The following AGBL4 variants were observed in gnomAD, a reference collection of about 807,000 sequenced individuals.
The protein encoded by AGBL4 is cytosolic carboxypeptidase 6.
AGBL4 carries 58 observed loss-of-function variants against 66.4 expected under a neutral mutation model. That is an observed-to-expected ratio of 0.87 (90% CI 0.71 to 1.09). The LOEUF (loss-of-function observed/expected upper bound fraction) is 1.09, where lower values mean the gene tolerates loss of function less well. Among genes scored for constraint, AGBL4 ranks in the 50% least tolerant of loss-of-function variants. The pLI, the probability that AGBL4 is intolerant of heterozygous loss-of-function variation, is 0.00. For synonymous variants in AGBL4, 234 were observed against 222.9 expected (o/e 1.05, Z -0.44); for missense variants, 579 against 631.0 (o/e 0.92, Z 0.88).
chr1:48,673,974 C>G (rs1646319534), intron 6 of AGBL4, among the ~76,000 whole-genome samples: 1 of 152,202 alleles, frequency 6.6e-6, no homozygotes, highest in African/African-American at 2.4e-5. Context: ...GCGGATGGAT[C>G]TCACTCCCGT....
At chr1:49,881,457 G>A (rs1399834348) in intron 1 of AGBL4, among the ~76,000 whole-genome samples, 2 of 151,698 alleles carry the variant, frequency 1.3e-5, no homozygotes, top group Non-Finnish European at 2.9e-5. Context: ...CTGAGGAATC[G>A]CCACACTGAC....
chr1:49,997,222 T>C (rs987003223), intron 1 of AGBL4, among the ~76,000 whole-genome samples: 4 of 152,160 alleles, frequency 2.6e-5, no homozygotes, highest in African/African-American at 9.7e-5. Context: ...TAACATTGAA[T>C]ATAAATGGCC....
intron 5 of AGBL4, among the ~76,000 whole-genome samples, chr1:49,023,503 C>A (rs1281599686): frequency 6.6e-6 from 1 of 152,020 alleles, no homozygotes; most frequent in Non-Finnish European, 1.5e-5. Flanking sequence ...CTCCTATCTC[C>A]AAAATACTAT....
intron 5 of AGBL4, among the ~76,000 whole-genome samples, chr1:48,946,082 AT>A (rs1216181107): frequency 6.6e-6 from 1 of 152,130 alleles, no homozygotes; most frequent in African/African-American, 2.4e-5. Context: ...CCCTATTGAA[AT>A]TGAGCCTTCC....
At chr1:48,932,273 A>G (rs1655098396) in intron 5 of AGBL4, among the ~76,000 whole-genome samples, 1 of 152,200 alleles carries the variant, frequency 6.6e-6, no homozygotes, top group Non-Finnish European at 1.5e-5. Flanking sequence ...CACAGGTTGA[A>G]GAAGGAAAAC....
intron 10 of AGBL4, among the ~76,000 whole-genome samples, chr1:48,588,044 C>T (rs949985179): frequency 1.5e-4 from 23 of 152,266 alleles, no homozygotes; most frequent in African/African-American, 5.3e-4. Context: ...TTCAAAATAA[C>T]CACTTGAAGT....
chr1:48,814,637 CAT>C (rs1437945995), intron 6 of AGBL4, among the ~76,000 whole-genome samples: 2 of 141,588 alleles, frequency 1.4e-5, no homozygotes, highest in African/African-American at 5.3e-5. Flanking sequence ...TTAGCATCCA[CAT>C]ATGAGTGAGA....
At chr1:49,226,727 C>T (rs568274236) in intron 4 of AGBL4, among the ~76,000 whole-genome samples, 1 of 152,296 alleles carries the variant, frequency 6.6e-6, no homozygotes, top group Non-Finnish European at 1.5e-5. Context: ...CTTAGGTCCC[C>T]TTTTTTCCCA....
At chr1:49,975,696 C>G (rs1160631810) in intron 1 of AGBL4, among the ~76,000 whole-genome samples, 1 of 152,122 alleles carries the variant, frequency 6.6e-6, no homozygotes, top group African/African-American at 2.4e-5. Context: ...ATATTTTAAG[C>G]AAGATACTTA....
At position 49,412,819 on chromosome 1, in the gene AGBL4, G is replaced by T. The variant is rs151159817; in HGVS notation, c.283-166955C>A. 3.2e-3 allele frequency among the ~76,000 whole-genome samples: 483 copies of T among 152,054 alleles called. 3 individuals are homozygous for T. The highest frequency in any genetic ancestry group is 0.011 in the African/African-American group (468 of 41,446). ...TTCTGAAGAGAGTACAACACTTAAG[G>T]GCCCTCAAAAGAAAAGGAGACTAAG... On this transcript the variant is annotated intron_variant, in intron 3 of 13. Coordinates refer to ENST00000371839, the MANE Select transcript of AGBL4 (RefSeq NM_032785.4).
intron 3 of AGBL4, among the ~76,000 whole-genome samples, chr1:49,638,023 C>T (rs1175170592): frequency 1.3e-5 from 2 of 152,144 alleles, no homozygotes; most frequent in Non-Finnish European, 2.9e-5. Context: ...AGCATTTCTT[C>T]TAATGATAAT....
chr1:49,620,291 T>C (rs535150349), intron 3 of AGBL4, among the ~76,000 whole-genome samples: 1 of 151,704 alleles, frequency 6.6e-6, no homozygotes, highest in East Asian at 1.9e-4. Context: ...AACCACCCCA[T>C]CAAAAATGGG....
intron 3 of AGBL4, among the ~76,000 whole-genome samples, chr1:49,648,093 T>A (rs1645926912): frequency 6.6e-6 from 1 of 152,044 alleles, no homozygotes; most frequent in Non-Finnish European, 1.5e-5. Flanking sequence ...ATAATTAATA[T>A]GTTAAGAATG....
intron 2 of AGBL4, among the ~76,000 whole-genome samples, chr1:49,717,961 G>A (rs1219175889): frequency 1.3e-5 from 2 of 152,096 alleles, no homozygotes; most frequent in African/African-American, 2.4e-5. Flanking sequence ...TCAAGCTGGA[G>A]CAATAGTCAC....
At chr1:48,809,476 C>T (rs563096397) in intron 6 of AGBL4, among the ~76,000 whole-genome samples, 156 of 152,150 alleles carry the variant, frequency 1.0e-3, no homozygotes, top group African/African-American at 3.5e-3. Context: ...CAGGATGGGC[C>T]GAACAAGAAA....
chr1:49,122,878 G>C (rs781602861), intron 4 of AGBL4, among the ~76,000 whole-genome samples: 1 of 152,084 alleles, frequency 6.6e-6, no homozygotes, highest in Admixed American at 6.5e-5. Flanking sequence ...TTCTGAGACA[G>C]AGTCTCACTC....
At chr1:48,996,728 G>A (rs1661023013) in intron 5 of AGBL4, among the ~76,000 whole-genome samples, 1 of 152,094 alleles carries the variant, frequency 6.6e-6, no homozygotes, top group South Asian at 2.1e-4. Flanking sequence ...GATGAGTATA[G>A]ATAATTCATT....
intron 3 of AGBL4, among the ~76,000 whole-genome samples, chr1:49,366,027 GT>G (rs1644235338): frequency 6.6e-6 from 1 of 152,116 alleles, no homozygotes; most frequent in African/African-American, 2.4e-5. Flanking sequence ...AGGATTCAAG[GT>G]CCCCTTTGTT....
chr1:49,353,512 G>A (rs1032912305), intron 3 of AGBL4, among the ~76,000 whole-genome samples: 2 of 152,090 alleles, frequency 1.3e-5, no homozygotes, highest in African/African-American at 2.4e-5. Flanking sequence ...ACTGCACCCT[G>A]GAAAAGGATT....
Sources: gnomAD v4.1 joint callset for allele counts (sites outside exome capture counted in the v4.1 genomes callset) on GRCh38, gnomAD v4.1.1 for gene constraint, MANE v1.5 for transcripts, NCBI Gene and HGNC (gene_info 2026-07-23, HGNC 2026-07-21) for gene names.